The following CENPP variants were observed in gnomAD, a reference collection of about 807,000 sequenced individuals.
CENPP encodes the protein centromere protein P.
In CENPP, 24 loss-of-function variants were observed where a neutral mutation model predicts 35.6. The ratio of observed to expected loss-of-function variants is 0.67; its 90% CI spans 0.49 to 0.95. The LOEUF (loss-of-function observed/expected upper bound fraction) is 0.95. CENPP is among the 40% of genes least tolerant of loss of function. The pLI, the probability that CENPP is intolerant of heterozygous loss-of-function variation, is 0.00. For synonymous variants in CENPP, 120 were observed against 125.5 expected (o/e 0.96, Z 0.29); for missense variants, 332 against 345.3 (o/e 0.96, Z 0.31).
chr9:92,588,082 G>A (rs1311559516), intron 5 of CENPP, among the ~76,000 whole-genome samples: 2 of 152,002 alleles, frequency 1.3e-5, no homozygotes, highest in African/African-American at 2.4e-5. Flanking sequence ...GGAGGTTGCA[G>A]TGAGCCAAGA....
intron 1 of CENPP, among the ~76,000 whole-genome samples, chr9:92,327,359 TCA>T (rs1466858427): frequency 6.6e-6 from 1 of 152,122 alleles, no homozygotes; most frequent in Admixed American, 6.5e-5. Context: ...AAGCATAGTC[TCA>T]GGCAAAGCAG....
Position 92,617,726 on chromosome 9 carries a change from G to C in CENPP, c.*4577G>C, listed in dbSNP as rs1851488067. The C allele has an allele frequency of 6.3e-6, 1 of 159,564 alleles. No homozygotes were observed. The highest frequency in any genetic ancestry group is 6.0e-5 in the Admixed American group (1 of 16,708). The allele number at this position is 159,564 out of a possible 1,614,324, so 9.9% of individuals were successfully genotyped here. A position where few individuals can be genotyped will look rare whatever the true frequency, so the allele number is the denominator to read the frequency against. ...GGGTGCTGGGGATCGGGGTGGAGAA[G>C]CCAAGGCCGCACACTGTGTTTCAAA... On this transcript the variant is annotated 3_prime_UTR_variant, in exon 8 of 8. Transcript: ENST00000375587.
chr9:92,512,387 G>T (rs1847406876), intron 5 of CENPP, among the ~76,000 whole-genome samples: 1 of 152,220 alleles, frequency 6.6e-6, no homozygotes, highest in African/African-American at 2.4e-5. Context: ...AGATGAAGGT[G>T]CTTAACACAG....
chr9:92,390,451 A>G (rs1842624863), intron 5 of CENPP, among the ~76,000 whole-genome samples: 1 of 151,990 alleles, frequency 6.6e-6, no homozygotes, highest in Non-Finnish European at 1.5e-5. Flanking sequence ...TTGCGTTGTG[A>G]TTCTGAGTAT....
In CENPP at chr9:92,345,801, C is replaced by T. The variant is rs1274520543; in HGVS notation, c.467+14C>T. The T allele has an allele frequency of 6.6e-7, 1 of 1,507,422 alleles. No homozygotes were observed. The highest frequency in any genetic ancestry group is 1.4e-5 in the African/African-American group (1 of 72,394). The allele number at this position is 1,507,422 out of a possible 1,614,324, so 93.4% of individuals were successfully genotyped here. ...ATTTGTGTCTAGGTAAGCTATTTTACAAACTTACTTTTTTAGAGAAAAAAA... is the reference window on the plus strand; with the variant it reads ...ATTTGTGTCTAGGTAAGCTATTTTATAAACTTACTTTTTTAGAGAAAAAAA... On this transcript the variant is annotated intron_variant, in intron 4 of 7. Transcript: ENST00000375587.
intron 5 of CENPP, among the ~76,000 whole-genome samples, chr9:92,443,518 G>A (rs1263736328): frequency 6.6e-6 from 1 of 152,054 alleles, no homozygotes; most frequent in Non-Finnish European, 1.5e-5. Flanking sequence ...GAGATTCACT[G>A]CAATCTCAAT....
chr9:92,430,518 G>A (rs1844080430), intron 5 of CENPP, among the ~76,000 whole-genome samples: 1 of 151,430 alleles, frequency 6.6e-6, no homozygotes, highest in Admixed American at 6.6e-5. Flanking sequence ...AACTACACCT[G>A]GCTAATTTTT....
At chr9:92,580,422 C>CATCT (rs1850392005) in intron 5 of CENPP, among the ~76,000 whole-genome samples, 1 of 152,104 alleles carries the variant, frequency 6.6e-6, no homozygotes, top group Non-Finnish European at 1.5e-5. Context: ...GCTGTGAATC[C>CATCT]ATCTGGTCCT....
At chr9:92,418,711 C>T (rs762035240) in intron 5 of CENPP, among the ~76,000 whole-genome samples, 19 of 152,148 alleles carry the variant, frequency 1.2e-4, no homozygotes, top group African/African-American at 4.1e-4. Flanking sequence ...TTCAGAAGAA[C>T]GTGAAATGCT....
chr9:92,533,055 T>A (rs1459937689), intron 5 of CENPP, among the ~76,000 whole-genome samples: 2 of 151,712 alleles, frequency 1.3e-5, no homozygotes, highest in Non-Finnish European at 2.9e-5. Context: ...TGACAGCACT[T>A]TGGGAGGCCA....
chr9:92,533,329 AT>A (rs1464394135), intron 5 of CENPP, among the ~76,000 whole-genome samples: 1,529 of 43,318 alleles, frequency 0.035, 65 homozygotes, highest in East Asian at 0.26. Context: ...AAAAAAAAAA[AT>A]ATATATATAT....
chr9:92,440,346 A>AAAATAAATAAATAAATAAATAAAT (rs58516284), intron 5 of CENPP, among the ~76,000 whole-genome samples: 1 of 142,462 alleles, frequency 7.0e-6, no homozygotes, highest in Non-Finnish European at 1.5e-5. Flanking sequence ...CTGATGAGTT[A>AAAATAAATAAATAAATAAATAAAT]AAATAAATAA....
At chr9:92,338,273 C>T (rs574512205) in intron 3 of CENPP, among the ~76,000 whole-genome samples, 6 of 152,042 alleles carry the variant, frequency 3.9e-5, no homozygotes, top group African/African-American at 1.4e-4. Flanking sequence ...GATTGTGCCA[C>T]TGTACTCGAG....
At chr9:92,561,899 A>G (rs1051222888) in intron 5 of CENPP, among the ~76,000 whole-genome samples, 8 of 152,178 alleles carry the variant, frequency 5.3e-5, no homozygotes, top group Admixed American at 2.0e-4. Context: ...CTTCAACCCA[A>G]TGATGTGTGC....
intron 5 of CENPP, chr9:92,385,404 T>G (rs1842378585): frequency 2.1e-6 from 1 of 476,464 alleles, no homozygotes; most frequent in Admixed American, 3.8e-5. Context: ...TAATGCTGTT[T>G]AAATATTTTC....
intron 5 of CENPP, among the ~76,000 whole-genome samples, chr9:92,519,509 A>G (rs931375523): frequency 6.6e-6 from 1 of 152,212 alleles, no homozygotes; most frequent in Admixed American, 6.5e-5. Context: ...TCAGACATAC[A>G]TTTATGAACA....
intron 5 of CENPP, among the ~76,000 whole-genome samples, chr9:92,551,379 C>G (rs1021947919): frequency 6.6e-6 from 1 of 152,004 alleles, no homozygotes; most frequent in African/African-American, 2.4e-5. Flanking sequence ...GCTCTGTCAC[C>G]CAAGCTGGAC....
chr9:92,331,099 A>G (rs1840731833), intron 1 of CENPP, among the ~76,000 whole-genome samples: 1 of 152,220 alleles, frequency 6.6e-6, no homozygotes, highest in African/African-American at 2.4e-5. Context: ...TTTCCGATAA[A>G]TCTCTTTCTT....
At chr9:92,346,611 A>C (rs933952947) in intron 4 of CENPP, among the ~76,000 whole-genome samples, 32 of 152,244 alleles carry the variant, frequency 2.1e-4, no homozygotes, top group African/African-American at 4.8e-5. Flanking sequence ...GCCTGAGGAA[A>C]GCAAAAGTGT....
Sources: allele counts gnomAD v4.1 joint callset (sites outside exome capture counted in the v4.1 genomes callset), GRCh38; gene constraint gnomAD v4.1.1; transcripts MANE v1.5; gene names NCBI Gene and HGNC (gene_info 2026-07-23, HGNC 2026-07-21).